SBSPON: variants seen among roughly 807,000 people sequenced by gnomAD.
SBSPON encodes the protein somatomedin-B and thrombospondin type-1 domain-containing protein.
In SBSPON, 30 loss-of-function variants were observed where a neutral mutation model predicts 35.8. That is an observed-to-expected ratio of 0.84 (90% CI 0.63 to 1.14). The LOEUF (loss-of-function observed/expected upper bound fraction) is 1.14. SBSPON is among the 50% of genes most tolerant of loss of function. The pLI is 0.00. For missense variants in SBSPON, 364 were observed against 357.7 expected (o/e 1.02, Z -0.14); for synonymous variants, 136 against 135.9 (o/e 1.00, Z 0.00).
At position 73,065,589 on chromosome 8, in the gene SBSPON, C is replaced by T. The variant is rs1480113604; in HGVS notation, c.*1752G>A. 6.6e-6 allele frequency: 1 copy of T among 151,460 alleles called. No homozygotes were observed. Among genetic ancestry groups the T allele is most frequent in the African/African-American group, 2.4e-5 (1 of 41,156 alleles). The allele number at this position is 151,460 out of a possible 1,614,324, so 9.4% of individuals were successfully genotyped here. On this transcript the variant is annotated 3_prime_UTR_variant, in exon 5 of 5. Transcript: ENST00000297354. ...AGGAGATCGAGACCACCCTGGCTAA[C>T]ACAGTGAAACCCTGTCTCTACTAAA... is the stretch of plus-strand genomic sequence containing the variant.
chr8:73,071,841 T>C lies in SBSPON; in HGVS notation c.439A>G (p.Asn147Asp), dbSNP rs1481739643. The change falls in exon 3 of 5, where the codon AAC becomes GAC. Residue 147 changes from asparagine to aspartate, a missense_variant. Transcript: ENST00000297354. The stretch of plus-strand genomic sequence containing the variant: ...GTAGCTTGTCGTGTTCTCTCCTTGT[T>C]GAATGCAGAGGTAGTTATAAAGGCA... Reference protein sequence around the residue: ...VPAFITTSAFNKERTRQATSP... With the variant: ...VPAFITTSAFDKERTRQATSP... 1 of 1,610,600 alleles carries C rather than the reference T, an allele frequency of 6.2e-7. No individual in the cohort carries two copies. Among genetic ancestry groups the C allele is most frequent in the East Asian group, 2.2e-5 (1 of 44,872 alleles).
chr8:73,086,649 T>G (rs976623237), intron 1 of SBSPON, among the ~76,000 whole-genome samples: 2 of 112,224 alleles, frequency 1.8e-5, no homozygotes, highest in African/African-American at 3.5e-5. Flanking sequence ...AAAGGGGTTT[T>G]TTTTCCTTTT....
chr8:73,089,982 T>A (rs534875891), intron 1 of SBSPON, among the ~76,000 whole-genome samples: 3 of 152,144 alleles, frequency 2.0e-5, no homozygotes, highest in Non-Finnish European at 2.9e-5. Flanking sequence ...TGGGCTCAGG[T>A]GATCCTCCCA....
chr8:73,068,685 C>A (rs1810437893), intron 4 of SBSPON, among the ~76,000 whole-genome samples: 1 of 152,060 alleles, frequency 6.6e-6, no homozygotes, highest in Non-Finnish European at 1.5e-5. Flanking sequence ...AGAGGTGACC[C>A]CACCACTGTC....
Position 73,081,205 on chromosome 8 carries a change from A to ACGGGC in SBSPON, c.218_222dup (p.Cys75AlafsTer69). The ACGGGC allele has an allele frequency of 1.3e-6, 2 of 1,581,298 alleles. No individual in the cohort carries two copies. The highest frequency in any genetic ancestry group is 1.7e-6 in the Non-Finnish European group (2 of 1,162,288). On this transcript the variant is annotated frameshift_variant, in exon 2 of 5. Coordinates refer to ENST00000297354, the MANE Select transcript of SBSPON (RefSeq NM_153225.4). LOFTEE classifies it high-confidence loss of function. ...CAGGGGCTCCATTCCCCCACGAAGC[A>ACGGGC]CGGGCGAGCTGAAAAACAGCACAAT... is the stretch of plus-strand genomic sequence containing the variant.
chr8:73,084,520 C>T (rs1203767792), intron 1 of SBSPON, among the ~76,000 whole-genome samples: 2 of 152,174 alleles, frequency 1.3e-5, no homozygotes, highest in Non-Finnish European at 2.9e-5. Flanking sequence ...CACTTCCCCG[C>T]CCACCTCTGC....
At position 73,071,781 on chromosome 8, in the gene SBSPON, C is replaced by T. The variant is rs1432048256; in HGVS notation, c.499G>A (p.Gly167Arg). 1.3e-6 allele frequency: 2 copies of T among 1,583,064 alleles called. No homozygotes were observed. Among genetic ancestry groups the T allele is most frequent in the Non-Finnish European group, 1.7e-6 (2 of 1,157,826 alleles). The part of the protein sequence containing the change: ...PHWSTHTEDA[G>R]YCMEFKTESL... ...AAAAAAAAAAAAACACGAAATTACC[C>T]AGCATCCTCTGTGTGTGTAGACCAG... Residue 167 changes from glycine to arginine, a missense_variant and splice_region_variant, in exon 3 of 5, where the codon GGA becomes AGA. Coordinates refer to ENST00000297354, the MANE Select transcript of SBSPON (RefSeq NM_153225.4).
At chr8:73,078,632 C>T (rs546453710) in intron 2 of SBSPON, among the ~76,000 whole-genome samples, 2 of 152,234 alleles carry the variant, frequency 1.3e-5, no homozygotes, top group South Asian at 4.2e-4. Flanking sequence ...GATAGGTTGG[C>T]GCTAGCTTTT....
chr8:73,065,794 T>TTTAAGTAACATTGGAAA lies in SBSPON; in HGVS notation c.*1530_*1546dup, dbSNP rs1810378352. The TTTAAGTAACATTGGAAA allele has an allele frequency of 6.6e-6, 1 of 152,000 alleles. No homozygotes were observed. The highest frequency in any genetic ancestry group is 1.5e-5 in the Non-Finnish European group (1 of 67,992). The allele number at this position is 152,000 out of a possible 1,614,324, so 9.4% of individuals were successfully genotyped here. A position where few individuals can be genotyped will look rare whatever the true frequency, so the allele number is the denominator to read the frequency against. ...ACTCTGTCTCAAAGAAAAAAAAACT[T>TTTAAGTAACATTGGAAA]TTAAGTAACATTGGAAATTACCCAG... On this transcript the variant is annotated 3_prime_UTR_variant, in exon 5 of 5. Coordinates refer to ENST00000297354, the MANE Select transcript of SBSPON (RefSeq NM_153225.4).
chr8:73,086,315 C>CTATA (rs1209243204), intron 1 of SBSPON, among the ~76,000 whole-genome samples: 3 of 152,066 alleles, frequency 2.0e-5, no homozygotes, highest in African/African-American at 7.2e-5. Context: ...AGCGCACCTC[C>CTATA]CTGCCTGGCT....
chr8:73,088,203 C>T (rs2130040643), intron 1 of SBSPON, among the ~76,000 whole-genome samples: 1 of 152,202 alleles, frequency 6.6e-6, no homozygotes, highest in Admixed American at 6.5e-5. Context: ...AAAGAAATGC[C>T]AGTATTTCAT....
At chr8:73,091,329 GATC>G (rs1810928830) in intron 1 of SBSPON, among the ~76,000 whole-genome samples, 1 of 152,198 alleles carries the variant, frequency 6.6e-6, no homozygotes, top group South Asian at 2.1e-4. Flanking sequence ...TCAGCTCCTG[GATC>G]AACTATTTCA....
rs763856104 is a variant in SBSPON at position 73,069,809 on chromosome 8, C to A, written c.673G>T (p.Asp225Tyr). The A allele has an allele frequency of 6.2e-7, 1 of 1,613,030 alleles. No individual in the cohort carries two copies. Among genetic ancestry groups the A allele is most frequent in the South Asian group, 1.1e-5 (1 of 91,058 alleles). ...LRCSGDGLDS[D>Y]GNQTLHWQAI... ...TCAGTTAATTTCCATTCTTACCCATCGGAGTCCAGGCCATCTCCAGAACAA... is the reference window on the plus strand; with the variant it reads ...TCAGTTAATTTCCATTCTTACCCATAGGAGTCCAGGCCATCTCCAGAACAA... The change falls in exon 4 of 5, where the codon GAT becomes TAT. Residue 225 changes from aspartate to tyrosine, a missense_variant. Transcript: ENST00000297354.
In SBSPON at chr8:73,065,776, C is replaced by G. The variant is rs902851234; in HGVS notation, c.*1565G>C. 1.3e-5 allele frequency: 2 copies of G among 151,890 alleles called. No homozygotes were observed. Among genetic ancestry groups the G allele is most frequent in the African/African-American group, 4.8e-5 (2 of 41,340 alleles). The allele number at this position is 151,890 out of a possible 1,614,324, so 9.4% of individuals were successfully genotyped here. A position where few individuals can be genotyped will look rare whatever the true frequency, so the allele number is the denominator to read the frequency against. Reference sequence around the variant, plus strand: ...CCTGGGCAACAGAGTGAGACTCTGTCTCAAAGAAAAAAAAACTTTTAAGTA... The same window carrying G: ...CCTGGGCAACAGAGTGAGACTCTGTGTCAAAGAAAAAAAAACTTTTAAGTA... On this transcript the variant is annotated 3_prime_UTR_variant, in exon 5 of 5. Transcript: ENST00000297354.
At chr8:73,086,889 G>A (rs571013066) in intron 1 of SBSPON, among the ~76,000 whole-genome samples, 6 of 152,290 alleles carry the variant, frequency 3.9e-5, no homozygotes, top group African/African-American at 1.4e-4. Context: ...TTGTAGTTAA[G>A]GAAAGAAAAT....
intron 2 of SBSPON, 61 bp from the exon 3 acceptor site, chr8:73,071,931 A>G (rs1810501067): frequency 8.7e-7 from 1 of 1,154,024 alleles, no homozygotes; most frequent in Non-Finnish European, 1.3e-6. Flanking sequence ...ATCGTTTCCC[A>G]ATTTTGGTTT....
At chr8:73,073,107 T>G (rs1213736205) in intron 2 of SBSPON, among the ~76,000 whole-genome samples, 1 of 152,218 alleles carries the variant, frequency 6.6e-6, no homozygotes, top group Non-Finnish European at 1.5e-5. Context: ...TGTCCATCAC[T>G]ATAGCTTCAC....
At chr8:73,067,571 AGT>A (rs1188642599) in intron 4 of SBSPON, 113 bp from the exon 5 acceptor site, 9 of 454,074 alleles carry the variant, frequency 2.0e-5, no homozygotes, top group Non-Finnish European at 2.8e-5. Flanking sequence ...TGAGCAATAT[AGT>A]GAAACCCCGT....
chr8:73,074,011 T>C (rs1272879885), intron 2 of SBSPON, among the ~76,000 whole-genome samples: 1 of 152,206 alleles, frequency 6.6e-6, no homozygotes, highest in Non-Finnish European at 1.5e-5. Context: ...CCCTCTCTGT[T>C]TCTCTGAGAC....
Sources: gnomAD v4.1 joint callset for allele counts (sites outside exome capture counted in the v4.1 genomes callset) on GRCh38, gnomAD v4.1.1 for gene constraint, MANE v1.5 for transcripts, NCBI Gene and HGNC (gene_info 2026-07-23, HGNC 2026-07-21) for gene names.